Variants in NEK4 observed in about 807,000 individuals in gnomAD.
The protein encoded by NEK4 is serine/threonine-protein kinase Nek4.
NEK4 carries 86 observed loss-of-function variants against 98.4 expected under a neutral mutation model. The ratio of observed to expected loss-of-function variants is 0.87; its 90% CI spans 0.73 to 1.05. NEK4 has a LOEUF of 1.05. Among genes scored for constraint, NEK4 ranks in the 50% least tolerant of loss-of-function variants. NEK4 has a pLI of 0.00. For missense variants in NEK4, 898 were observed against 950.3 expected (o/e 0.94, Z 0.72); for synonymous variants, 328 against 342.2 (o/e 0.96, Z 0.46).
chr3:52,748,716 T>C (rs2097400355), intron 8 of NEK4, among the ~76,000 whole-genome samples: 1 of 152,232 alleles, frequency 6.6e-6, no homozygotes, highest in East Asian at 1.9e-4. Context: ...CCCACAGCCA[T>C]ATTGTATTAC....
chr3:52,768,220 A>G (rs1698647429), intron 2 of NEK4, 118 bp downstream of exon 2: 6 of 907,746 alleles, frequency 6.6e-6, no homozygotes, highest in Non-Finnish European at 1.0e-5. Context: ...TTCACAAATG[A>G]ATTTTCCAAA....
intron 14 of NEK4, 47 bp downstream of exon 14, chr3:52,739,382 G>C (rs772805273): frequency 2.0e-6 from 3 of 1,512,614 alleles, no homozygotes; most frequent in Non-Finnish European, 2.8e-6. Context: ...CTGGGTGACA[G>C]AGTGAGACTC....
chr3:52,746,807 T>G lies in NEK4; in HGVS notation c.1604A>C (p.Gln535Pro). The change falls in exon 9 of 16, where the codon CAG becomes CCG. Residue 535 changes from glutamine to proline, a missense_variant. Gln to Pro is a moderately conservative substitution (Grantham distance 76, BLOSUM62 -1). Coordinates refer to ENST00000233027, the MANE Select transcript of NEK4 (RefSeq NM_003157.6). ...CTGTTCTCTCCTCTTTTGCCGTCGC[T>G]GTCGAGACAGGGAAGGTTCAGACCC... ...NSGSEPSLSR[Q>P]RRQKRREQTE... The G allele has an allele frequency of 6.2e-7, 1 of 1,614,206 alleles. No individual in the cohort carries two copies. The highest frequency in any genetic ancestry group is 1.7e-4 in the Middle Eastern group (1 of 6,060).
At chr3:52,720,295 C>T (rs1038423043) in intron 15 of NEK4, among the ~76,000 whole-genome samples, 2 of 151,728 alleles carry the variant, frequency 1.3e-5, no homozygotes, top group East Asian at 3.9e-4. Flanking sequence ...CCACTGCACT[C>T]CAGCCTGGGT....
At chr3:52,748,612 T>C (rs1454534792) in intron 8 of NEK4, among the ~76,000 whole-genome samples, 1 of 152,100 alleles carries the variant, frequency 6.6e-6, no homozygotes, top group Non-Finnish European at 1.5e-5. Context: ...AAAAGCACAA[T>C]AAAAAGACCA....
chr3:52,732,045 C>T (rs1460166018), intron 15 of NEK4, among the ~76,000 whole-genome samples: 1 of 152,222 alleles, frequency 6.6e-6, no homozygotes, highest in Non-Finnish European at 1.5e-5. Flanking sequence ...TTAAGGCCTC[C>T]CCAGCCATAT....
intron 6 of NEK4, among the ~76,000 whole-genome samples, chr3:52,758,006 T>C (rs1001267824): frequency 6.6e-6 from 1 of 151,566 alleles, no homozygotes; most frequent in Non-Finnish European, 1.5e-5. Context: ...TGAAACCCTG[T>C]CTCTACTAAA....
At chr3:52,769,763 A>C (rs1698709972) in intron 1 of NEK4, among the ~76,000 whole-genome samples, 1 of 152,246 alleles carries the variant, frequency 6.6e-6, no homozygotes, top group South Asian at 2.1e-4. Flanking sequence ...CAGTTTCAAA[A>C]TTGTCCCAGT....
intron 11 of NEK4, 84 bp downstream of exon 11, chr3:52,744,155 A>G: frequency 4.1e-6 from 4 of 968,678 alleles, no homozygotes; most frequent in Admixed American, 1.8e-5. Flanking sequence ...GAAAGTTTCA[A>G]CCTCTCATAG....
At chr3:52,754,946 C>T (rs1436641180) in intron 6 of NEK4, among the ~76,000 whole-genome samples, 10 of 151,440 alleles carry the variant, frequency 6.6e-5, no homozygotes, top group Non-Finnish European at 1.0e-4. Context: ...CGGTGGCAGG[C>T]GCCTGTAGTC....
chr3:52,752,933 T>TATACACACACAC (rs148965312), intron 6 of NEK4, among the ~76,000 whole-genome samples: 10 of 75,572 alleles, frequency 1.3e-4, no homozygotes, highest in Middle Eastern at 7.0e-3. Flanking sequence ...TATATATATA[T>TATACACACACAC]ACACACACAC....
chr3:52,752,935 C>T lies in NEK4; in HGVS notation c.964-599G>A, dbSNP rs1317059489. The stretch of plus-strand genomic sequence containing the variant: ...AAAAAAAAATATATATATATATATA[C>T]ACACACACACACACACACAATGGAA... On this transcript the variant is annotated intron_variant, in intron 6 of 15. Coordinates refer to ENST00000233027, the MANE Select transcript of NEK4 (RefSeq NM_003157.6). 1.6e-3 allele frequency among the ~76,000 whole-genome samples: 175 copies of T among 106,752 alleles called. 3 individuals carry two copies. The highest frequency in any genetic ancestry group is 1.9e-3 in the Admixed American group (16 of 8,274). 70.0% of individuals were successfully genotyped at this position (106,752 alleles called of 152,430 possible).
chr3:52,765,686 G>GAAATTAATTAATTA (rs1480610862), intron 4 of NEK4, among the ~76,000 whole-genome samples: 18 of 152,172 alleles, frequency 1.2e-4, no homozygotes, highest in African/African-American at 4.3e-4. Flanking sequence ...CTGGCTTACA[G>GAAATTAATTAATTA]ATTAATATTA....
In NEK4 at chr3:52,760,841, A is replaced by G. The variant is rs1698328602; in HGVS notation, c.917T>C (p.Ile306Thr). Residue 306 changes from isoleucine (I) to threonine (T), a missense_variant, in exon 6 of 16, where the codon ATC becomes ACC. Coordinates refer to ENST00000233027, the MANE Select transcript of NEK4 (RefSeq NM_003157.6). ...CTCAGAAGAGAGTGGTTGGGGGTGG[A>G]TTACTTCATGATTTGATTCTGCCTC... is the stretch of plus-strand genomic sequence containing the variant. ...SGEAESNHEV[I>T]HPQPLSSEGS... is the part of the protein sequence containing the mutation. 1 of 1,610,612 alleles carries G rather than the reference A, an allele frequency of 6.2e-7. No homozygotes were observed. Among genetic ancestry groups the G allele is most frequent in the East Asian group, 2.2e-5 (1 of 44,836 alleles).
chr3:52,753,484 C>T (rs1578682497), intron 6 of NEK4: 1 of 407,838 alleles, frequency 2.5e-6, no homozygotes, highest in East Asian at 6.6e-5. Context: ...ACGGAAGAGT[C>T]TGATGACATA....
chr3:52,730,996 T>A (rs974454437), intron 15 of NEK4, among the ~76,000 whole-genome samples: 1 of 152,226 alleles, frequency 6.6e-6, no homozygotes, highest in Non-Finnish European at 1.5e-5. Context: ...ATGTACTTAA[T>A]ACCACTGAAC....
intron 15 of NEK4, among the ~76,000 whole-genome samples, chr3:52,723,029 C>A (rs191006093): frequency 1.3e-5 from 2 of 152,122 alleles, no homozygotes; most frequent in Admixed American, 1.3e-4. Flanking sequence ...CATAATGAGA[C>A]CCTGTCTCTA....
At chr3:52,718,367 G>A (rs1024886041) in intron 15 of NEK4, among the ~76,000 whole-genome samples, 4 of 151,122 alleles carry the variant, frequency 2.6e-5, no homozygotes, top group African/African-American at 7.3e-5. Flanking sequence ...CAGCTACTCG[G>A]TAGGATGAGG....
intron 15 of NEK4, among the ~76,000 whole-genome samples, chr3:52,723,236 G>A (rs1182182014): frequency 1.3e-5 from 2 of 152,032 alleles, no homozygotes; most frequent in Non-Finnish European, 2.9e-5. Flanking sequence ...ACAAATATCA[G>A]TAAAGAGAAA....
Sources: allele counts gnomAD v4.1 joint callset (sites outside exome capture counted in the v4.1 genomes callset), GRCh38; gene constraint gnomAD v4.1.1; transcripts MANE v1.5; gene names NCBI Gene and HGNC (gene_info 2026-07-23, HGNC 2026-07-21).